THYN1: variants seen among roughly 807,000 people sequenced by gnomAD.
The protein encoded by THYN1 is thymocyte protein thy28.
In THYN1, 32 loss-of-function variants were observed where a neutral mutation model predicts 30.6. The ratio of observed to expected loss-of-function variants is 1.05; its 90% confidence interval spans 0.79 to 1.40. The LOEUF is 1.40. THYN1 is among the 40% of genes most tolerant of loss of function. The pLI is 0.00. For synonymous variants in THYN1, 107 were observed against 90.8 expected, an observed-to-expected ratio of 1.18 and a Z score of -1.01; for missense variants, 259 against 272.6, an observed-to-expected ratio of 0.95 and a Z score of 0.35.
Position 134,253,268 on chromosome 11 carries a change from T to G in THYN1, c.-386A>C. The G allele has an allele frequency of 7.4e-7, 1 of 1,345,804 alleles. No homozygotes were observed. The highest frequency in any genetic ancestry group is 9.5e-7 in the Non-Finnish European group (1 of 1,049,112). The allele number at this position is 1,345,804 out of a possible 1,614,324, so 83.4% of individuals were successfully genotyped here. A position where few individuals can be genotyped will look rare whatever the true frequency, so the allele number is the denominator to read the frequency against. On this transcript the variant is annotated 5_prime_UTR_variant, in exon 1 of 7. Transcript: ENST00000341541. ...ATTAGGATCAACTGAATGGATAATC[T>G]AGATGATGAAGTAATTTGCTGGCTA...
At chr11:134,250,236 C>G in intron 3 of THYN1, 39 bp downstream of exon 3, 1 of 1,611,782 alleles carries the variant, frequency 6.2e-7, no homozygotes, top group East Asian at 2.2e-5. Context: ...GGCATTCATC[C>G]CACCTGGGTC....
rs1565361647 is a variant in THYN1, at chr11:134,248,831, TA to T, written c.608del (p.Leu203TyrfsTer6). The stretch of plus-strand genomic sequence containing the variant: ...TACCCTGGGTCAGGGGCTGGATTGA[TA>T]ATCTCTGGCGAGTGAAGAGAACCAT... ...KNMVLFTRQRLSIQPLTQEEF... is the reference protein window; with the variant it reads ...KNMVLFTRQRXSIQPLTQEEF... On this transcript the variant is annotated frameshift_variant, in exon 6 of 7. Coordinates refer to ENST00000341541, the MANE Select transcript of THYN1 (RefSeq NM_014174.3). LOFTEE classifies it high-confidence loss of function. The T allele has an allele frequency of 9.3e-6, 15 of 1,614,190 alleles. No homozygotes were observed. Among genetic ancestry groups the T allele is most frequent in the Non-Finnish European group, 1.3e-5 (15 of 1,180,032 alleles).
chr11:134,248,742 G>T, intron 6 of THYN1, 67 bp downstream of exon 6: 1 of 1,593,634 alleles, frequency 6.3e-7, no homozygotes, highest in Middle Eastern at 1.7e-4. Context: ...AGTTTAATCA[G>T]CTAGTAAGTG....
chr11:134,249,932 GAAGA>G lies in THYN1; in HGVS notation c.292-16_292-13del, dbSNP rs1231638302. 14 of 1,609,206 alleles carry G rather than the reference GAAGA, an allele frequency of 8.7e-6. No individual in the cohort carries two copies. Among genetic ancestry groups the G allele is most frequent in the East Asian group, 2.2e-5 (1 of 44,786 alleles). ...AGGAAGTTCCGAGCCTGTCCCGGGAGAAGAAAGAGTAACTATCCTCCCACCAGCT... is the reference window on the plus strand; with the variant it reads ...AGGAAGTTCCGAGCCTGTCCCGGGAGAAGAGTAACTATCCTCCCACCAGCT... On this transcript the variant is annotated splice_polypyrimidine_tract_variant and intron_variant, in intron 3 of 6. Coordinates refer to ENST00000341541, the MANE Select transcript of THYN1 (RefSeq NM_014174.3).
intron 4 of THYN1, among the ~76,000 whole-genome samples, chr11:134,249,537 TTAA>T (rs1161682211): frequency 6.6e-6 from 1 of 152,074 alleles, no homozygotes; most frequent in Non-Finnish European, 1.5e-5. Flanking sequence ...CTCTGCACAG[TTAA>T]TAATTTTATC....
intron 4 of THYN1, among the ~76,000 whole-genome samples, 180 bp from the exon 5 acceptor site, chr11:134,249,442 A>G (rs1938942559): frequency 6.6e-6 from 1 of 152,246 alleles, no homozygotes; most frequent in African/African-American, 2.4e-5. Context: ...AGACTAGGAA[A>G]TCAACTCTGT....
chr11:134,251,297 A>C lies in THYN1; in HGVS notation c.55T>G (p.Ser19Ala). 6.2e-7 allele frequency: 1 copy of C among 1,612,186 alleles called. No homozygotes were observed. Among genetic ancestry groups the C allele is most frequent in the Non-Finnish European group, 8.5e-7 (1 of 1,179,390 alleles). ...TTCTCAGTTTTGGTGCGTTTTCCTG[A>C]TAGTCCCTTGTCTGCAATAGGAGAA... is the stretch of plus-strand genomic sequence containing the variant. ...AGTSGSDKGL[S>A]GKRTKTENSG... The change falls in exon 2 of 7, where the codon TCA becomes GCA. Residue 19 changes from serine to alanine, a missense_variant. Ser to Ala is a moderately conservative substitution (Grantham distance 99). Transcript: ENST00000341541.
chr11:134,251,402 A>ATGATTTG, intron 1 of THYN1, 94 bp from the exon 2 acceptor site: 8 of 1,370,400 alleles, frequency 5.8e-6, no homozygotes, highest in South Asian at 1.4e-5. Context: ...ACCTGGATTC[A>ATGATTTG]AATCATGGAT....
At position 134,253,169 on chromosome 11, in the gene THYN1, G is replaced by A; in HGVS notation, c.-287C>T. On this transcript the variant is annotated 5_prime_UTR_variant, in exon 1 of 7. Transcript: ENST00000341541. ...CCCCTATCTCAGTATGTAGTTCACT[G>A]GGAAGTGGCTCCACAGAGACACTTT... The A allele has an allele frequency of 7.4e-7, 1 of 1,342,580 alleles. No individual in the cohort carries two copies. The allele number at this position is 1,342,580 out of a possible 1,614,324, so 83.2% of individuals were successfully genotyped here.
At position 134,251,292 on chromosome 11, in the gene THYN1, T is replaced by C; in HGVS notation, c.60A>G (p.Gly20=). ...GTSGSDKGLS[G]KRTKTENSGE... ...CTGAGTTCTCAGTTTTGGTGCGTTTTCCTGATAGTCCCTTGTCTGCAATAG... is the reference window on the plus strand; with the variant it reads ...CTGAGTTCTCAGTTTTGGTGCGTTTCCCTGATAGTCCCTTGTCTGCAATAG... Residue 20 remains glycine (G), a synonymous_variant, in exon 2 of 7, where the codon GGA becomes GGG. Coordinates refer to ENST00000341541, the MANE Select transcript of THYN1 (RefSeq NM_014174.3). 6.2e-7 allele frequency: 1 copy of C among 1,612,534 alleles called. No individual in the cohort carries two copies. Among genetic ancestry groups the C allele is most frequent in the Non-Finnish European group, 8.5e-7 (1 of 1,179,512 alleles).
At chr11:134,249,413 A>AAT in intron 4 of THYN1, 151 bp from the exon 5 acceptor site, 1 of 707,308 alleles carries the variant, frequency 1.4e-6, no homozygotes, top group Non-Finnish European at 2.5e-6. Context: ...ATTTGGAAAC[A>AAT]ATATATAGTC....
intron 4 of THYN1, 146 bp from the exon 5 acceptor site, chr11:134,249,408 G>A: frequency 1.4e-6 from 1 of 725,046 alleles, no homozygotes; most frequent in Admixed American, 2.5e-5. Context: ...CAGATATTTG[G>A]AAACAATATA....
At position 134,252,915 on chromosome 11, in the gene THYN1, T is replaced by C. The variant is rs751908753; in HGVS notation, c.-33A>G. ...CTGCAGGGGACTTTAGTGCGGACGA[T>C]TCTGGAATCAACGGAGATACAAGAA... On this transcript the variant is annotated 5_prime_UTR_variant, in exon 1 of 7. Transcript: ENST00000341541. 89 of 1,556,080 alleles carry C rather than the reference T, an allele frequency of 5.7e-5. No homozygotes were observed. Among genetic ancestry groups the C allele is most frequent in the Non-Finnish European group, 1.1e-5 (13 of 1,155,898 alleles).
Position 134,248,367 on chromosome 11 carries a change from A to T in THYN1, c.*71T>A. On this transcript the variant is annotated 3_prime_UTR_variant, in exon 7 of 7. Transcript: ENST00000341541. The stretch of plus-strand genomic sequence containing the variant: ...GTAAGCATACCAAGCAAGCCCCCTC[A>T]CACCTTTTGTCTGAAAAAAGCTTGA... The T allele has an allele frequency of 6.3e-7, 1 of 1,579,630 alleles. No individual in the cohort carries two copies. The highest frequency in any genetic ancestry group is 8.7e-7 in the Non-Finnish European group (1 of 1,148,684).
chr11:134,250,551 T>C (rs1939001063), intron 2 of THYN1, among the ~76,000 whole-genome samples: 1 of 152,216 alleles, frequency 6.6e-6, no homozygotes, highest in Non-Finnish European at 1.5e-5. Flanking sequence ...TTGCTAATTA[T>C]GAGGATTAGC....
At chr11:134,251,825 AAAC>A (rs1939076335) in intron 1 of THYN1, 1 of 152,534 alleles carries the variant, frequency 6.6e-6, no homozygotes, top group South Asian at 2.1e-4. Context: ...AAGTTGAAAG[AAAC>A]AGTTCATTCA....
intron 3 of THYN1, 47 bp downstream of exon 3, chr11:134,250,228 C>A (rs751114094): frequency 6.2e-7 from 1 of 1,600,336 alleles, no homozygotes; most frequent in Non-Finnish European, 8.6e-7. Flanking sequence ...AGGAGGCAGG[C>A]ATTCATCCCA....
Position 134,249,257 on chromosome 11 carries a change from C to T in THYN1, c.390G>A (p.Val130=). 6.2e-7 allele frequency: 1 copy of T among 1,614,226 alleles called. No individual in the cohort carries two copies. Among genetic ancestry groups the T allele is most frequent in the East Asian group, 2.2e-5 (1 of 44,886 alleles). Residue 130 remains valine (V), a synonymous_variant, in exon 5 of 7, where the codon GTG becomes GTA. Coordinates refer to ENST00000341541, the MANE Select transcript of THYN1 (RefSeq NM_014174.3). ...EPGIAGLMKI[V]KEAYPDHTQF... ...GTGTGTGGTCTGGGTAAGCCTCTTT[C>T]ACGATCTGAAACCAAAACAAAAGCT...
chr11:134,250,979 G>T (rs1312288524), intron 2 of THYN1, 151 bp downstream of exon 2: 3 of 904,342 alleles, frequency 3.3e-6, no homozygotes, highest in South Asian at 2.2e-5. Flanking sequence ...CAAACCAGCT[G>T]ATGATAATAA....
Sources: allele counts gnomAD v4.1 joint callset (sites outside exome capture counted in the v4.1 genomes callset), GRCh38; gene constraint gnomAD v4.1.1; transcripts MANE v1.5; gene names NCBI Gene and HGNC (gene_info 2026-07-23, HGNC 2026-07-21).